FAM3C: variants seen among roughly 807,000 people sequenced by gnomAD.
FAM3C encodes protein FAM3C.
Under a neutral mutation model 32.5 loss-of-function variants are expected in FAM3C, and 15 were observed. The ratio of observed to expected loss-of-function variants is 0.46; its 90% confidence interval spans 0.31 to 0.71. FAM3C has a LOEUF of 0.71. FAM3C is among the 30% of genes least tolerant of loss of function. FAM3C has a pLI of 0.05. For synonymous variants in FAM3C, 75 were observed against 86.1 expected, an observed-to-expected ratio of 0.87 and a Z score of 0.72; for missense variants, 175 against 274.4, an observed-to-expected ratio of 0.64 and a Z score of 2.56.
chr7:121,394,312 C>T (rs1475624568), intron 1 of FAM3C, among the ~76,000 whole-genome samples: 1 of 152,140 alleles, frequency 6.6e-6, no homozygotes, highest in African/African-American at 2.4e-5. Context: ...TTCCAATTTC[C>T]TTTTCCTTTT....
At chr7:121,364,585 T>TA (rs916230989) in intron 5 of FAM3C, 92 of 157,128 alleles carry the variant, frequency 5.9e-4, no homozygotes, top group African/African-American at 1.7e-3. Flanking sequence ...AGAAGCGAGA[T>TA]ACTACCCCCA....
rs115237820 is a variant in FAM3C at position 121,356,420 on chromosome 7, A to G, written c.467+3623T>C. On this transcript the variant is annotated intron_variant, in intron 8 of 9. Coordinates refer to ENST00000359943, the MANE Select transcript of FAM3C (RefSeq NM_014888.3). ...TAAAAGAAAAATACCAATTAGCTTC[A>G]AATACCTGAAGTATCAAATGATTTG... is the stretch of plus-strand genomic sequence containing the variant. Among the ~76,000 whole-genome samples, 973 of 152,334 alleles carry G rather than the reference A, an allele frequency of 6.4e-3. 11 individuals are homozygous for G. The highest frequency in any genetic ancestry group is 0.021 in the African/African-American group (878 of 41,578).
At chr7:121,363,073 G>A in intron 6 of FAM3C, 126 bp from the exon 7 acceptor site, 1 of 539,196 alleles carries the variant, frequency 1.9e-6, no homozygotes, top group Non-Finnish European at 3.3e-6. Context: ...ATTAGCATTA[G>A]AGAGATGTGA....
chr7:121,351,439 G>C (rs1793704067), intron 8 of FAM3C, 170 bp from the exon 9 acceptor site: 2 of 529,932 alleles, frequency 3.8e-6, no homozygotes, highest in East Asian at 6.0e-5. Context: ...GAATTCTTTA[G>C]TGACAAAAGA....
chr7:121,354,606 C>T (rs1283141457), intron 8 of FAM3C, among the ~76,000 whole-genome samples: 3 of 152,028 alleles, frequency 2.0e-5, no homozygotes, highest in Non-Finnish European at 4.4e-5. Context: ...GAAAGCAAGA[C>T]GGACAATATT....
At chr7:121,370,532 T>C (rs1442707101) in intron 5 of FAM3C, among the ~76,000 whole-genome samples, 2 of 152,214 alleles carry the variant, frequency 1.3e-5, no homozygotes, top group African/African-American at 2.4e-5. Context: ...TTCTAGGCAA[T>C]AGCATATTAA....
intron 3 of FAM3C, among the ~76,000 whole-genome samples, chr7:121,372,759 A>G (rs574249344): frequency 1.3e-5 from 2 of 152,298 alleles, no homozygotes; most frequent in Admixed American, 1.3e-4. Flanking sequence ...CCAGCCCAGG[A>G]GATTATAACT....
chr7:121,370,684 C>G (rs765830724), intron 5 of FAM3C, among the ~76,000 whole-genome samples: 1 of 152,182 alleles, frequency 6.6e-6, no homozygotes, highest in Non-Finnish European at 1.5e-5. Context: ...AGCTTAGAGG[C>G]AAGCAGTTTG....
intron 1 of FAM3C, among the ~76,000 whole-genome samples, chr7:121,393,431 C>G (rs548980965): frequency 6.8e-4 from 103 of 152,126 alleles, no homozygotes; most frequent in African/African-American, 2.3e-3. Context: ...GTGGGGTACC[C>G]TGTCTTTGTA....
At chr7:121,383,047 C>G in intron 1 of FAM3C, 37 bp from the exon 2 acceptor site, 1 of 1,089,760 alleles carries the variant, frequency 9.2e-7, no homozygotes, top group South Asian at 1.3e-5. Flanking sequence ...ATCATTAGCT[C>G]TAGAGCAAAC....
intron 5 of FAM3C, among the ~76,000 whole-genome samples, chr7:121,368,972 GTTTTT>G (rs563834740): frequency 0.039 from 3,798 of 96,306 alleles, 175 homozygotes; most frequent in African/African-American, 0.14. Context: ...TGTTGTTGTT[GTTTTT>G]TTTTTTTTTT....
At chr7:121,367,300 G>A (rs1376531776) in intron 5 of FAM3C, among the ~76,000 whole-genome samples, 1 of 152,096 alleles carries the variant, frequency 6.6e-6, no homozygotes, top group African/African-American at 2.4e-5. Flanking sequence ...CTAGTTATTA[G>A]TTATTATCTC....
chr7:121,364,009 G>A (rs1584694093), intron 6 of FAM3C, 121 bp downstream of exon 6: 4 of 696,506 alleles, frequency 5.7e-6, no homozygotes, highest in East Asian at 5.4e-5. Context: ...GGCAGGGATG[G>A]GACAGAGGGC....
chr7:121,374,233 T>C (rs1794200353), intron 3 of FAM3C, among the ~76,000 whole-genome samples: 1 of 152,152 alleles, frequency 6.6e-6, no homozygotes, highest in South Asian at 2.1e-4. Flanking sequence ...GTAAACAGTA[T>C]GCACCATCTC....
chr7:121,388,921 C>T (rs1159314997), intron 1 of FAM3C, among the ~76,000 whole-genome samples: 1 of 152,164 alleles, frequency 6.6e-6, no homozygotes, highest in Non-Finnish European at 1.5e-5. Flanking sequence ...CCACCATAAA[C>T]TGCTCTACCT....
At chr7:121,357,710 A>G (rs899037750) in intron 8 of FAM3C, among the ~76,000 whole-genome samples, 2 of 152,148 alleles carry the variant, frequency 1.3e-5, no homozygotes, top group African/African-American at 4.8e-5. Context: ...AACGTAAAGA[A>G]ATTAAAGTTT....
intron 3 of FAM3C, among the ~76,000 whole-genome samples, chr7:121,376,994 G>T (rs1015080812): frequency 1.3e-5 from 2 of 152,092 alleles, no homozygotes; most frequent in African/African-American, 2.4e-5. Flanking sequence ...GAGTGATATG[G>T]TTTGGCTGTG....
chr7:121,377,468 T>C (rs549482807), intron 3 of FAM3C, among the ~76,000 whole-genome samples: 1 of 152,306 alleles, frequency 6.6e-6, no homozygotes, highest in South Asian at 2.1e-4. Flanking sequence ...CAAAATATGG[T>C]TTCTAGGGTT....
chr7:121,382,665 A>AT (rs1358773050), intron 2 of FAM3C, among the ~76,000 whole-genome samples: 7 of 150,624 alleles, frequency 4.6e-5, no homozygotes, highest in African/African-American at 1.7e-4. Flanking sequence ...TTTGAGCATC[A>AT]TGTGTTGCTG....
Sources: allele counts gnomAD v4.1 joint callset (sites outside exome capture counted in the v4.1 genomes callset), GRCh38; gene constraint gnomAD v4.1.1; transcripts MANE v1.5; gene names NCBI Gene and HGNC (gene_info 2026-07-23, HGNC 2026-07-21).